Variants in CASP9 observed in about 807,000 individuals in gnomAD.
CASP9 encodes caspase-9.
A neutral mutation model predicts 43.5 loss-of-function variants in CASP9; 29 were observed. The observed-to-expected ratio is 0.67, with a 90% confidence interval of 0.50 to 0.91. CASP9 has a LOEUF of 0.91. CASP9 is among the 40% of genes least tolerant of loss of function. The probability of loss-of-function intolerance (pLI) is 0.00; values close to 1 mark genes in which losing one functional copy is unlikely to be tolerated. For missense variants in CASP9, 575 were observed against 537.4 expected, an observed-to-expected ratio of 1.07 and a Z score of -0.69; for synonymous variants, 206 against 211.9, an observed-to-expected ratio of 0.97 and a Z score of 0.24.
At chr1:15,523,668 TA>T (rs138545940) in intron 1 of CASP9, among the ~76,000 whole-genome samples, 5,902 of 149,700 alleles carry the variant, frequency 0.039, 145 homozygotes, top group Admixed American at 0.074. Flanking sequence ...TAACAGACCT[TA>T]AAAAAAAAAG....
chr1:15,504,576 A>G, intron 6 of CASP9, 35 bp downstream of exon 6: 1 of 1,589,452 alleles, frequency 6.3e-7, no homozygotes, highest in Non-Finnish European at 8.6e-7. Flanking sequence ...CCTCCCCACC[A>G]GACCCACCCA....
intron 2 of CASP9, among the ~76,000 whole-genome samples, chr1:15,509,376 G>A (rs919991966): frequency 6.6e-6 from 1 of 150,658 alleles, no homozygotes; most frequent in Non-Finnish European, 1.5e-5. Flanking sequence ...TATAATCCTG[G>A]CACTTTGGGA....
intron 1 of CASP9, 24 bp from the exon 2 acceptor site, chr1:15,518,419 A>G (rs755300161): frequency 6.2e-7 from 1 of 1,602,412 alleles, no homozygotes; most frequent in East Asian, 2.2e-5. Context: ...AAGGCAGGAT[A>G]CTAATTATCC....
Sources: allele counts gnomAD v4.1 joint callset (sites outside exome capture counted in the v4.1 genomes callset), GRCh38; gene constraint gnomAD v4.1.1; transcripts MANE v1.5; gene names NCBI Gene and HGNC (gene_info 2026-07-23, HGNC 2026-07-21).